The following LRRK1 variants were observed in gnomAD, a reference collection of about 807,000 sequenced individuals.
LRRK1 encodes the protein leucine-rich repeat serine/threonine-protein kinase 1.
LRRK1 carries 113 observed loss-of-function variants against 209.1 expected under a neutral mutation model. The ratio of observed to expected loss-of-function variants is 0.54; its 90% CI spans 0.46 to 0.63. The LOEUF is 0.63. Among genes scored for constraint, LRRK1 ranks in the 30% least tolerant of loss-of-function variants. The pLI is 0.00. For synonymous variants in LRRK1, 1,144 were observed against 1,099.7 expected, an observed-to-expected ratio of 1.04 and a Z score of -0.80; for missense variants, 2,284 against 2,632.2, an observed-to-expected ratio of 0.87 and a Z score of 2.89.
intron 2 of LRRK1, among the ~76,000 whole-genome samples, chr15:100,963,764 C>T (rs879763295): frequency 2.6e-5 from 4 of 152,212 alleles, no homozygotes; most frequent in Non-Finnish European, 5.9e-5. Flanking sequence ...AAATGACCAT[C>T]CGGTTGGCAA....
intron 22 of LRRK1, among the ~76,000 whole-genome samples, chr15:101,048,942 G>A (rs1383719266): frequency 2.6e-5 from 4 of 152,162 alleles, no homozygotes; most frequent in Non-Finnish European, 4.4e-5. Flanking sequence ...GCTCAGGAGA[G>A]CCTCAGGCAC....
At chr15:100,961,908 A>G (rs1477824394) in intron 2 of LRRK1, among the ~76,000 whole-genome samples, 2 of 152,200 alleles carry the variant, frequency 1.3e-5, no homozygotes, top group African/African-American at 4.8e-5. Context: ...AATAAATGGC[A>G]CCAATGACCA....
At chr15:101,004,561 T>C (rs2032853935) in intron 6 of LRRK1, among the ~76,000 whole-genome samples, 1 of 152,112 alleles carries the variant, frequency 6.6e-6, no homozygotes, top group South Asian at 2.1e-4. Context: ...CGGGTTCCGG[T>C]TGGCCATGCT....
At chr15:100,995,096 C>T (rs868332942) in intron 6 of LRRK1, among the ~76,000 whole-genome samples, 3 of 152,158 alleles carry the variant, frequency 2.0e-5, no homozygotes, top group Non-Finnish European at 2.9e-5. Context: ...GCACGTGTGA[C>T]GGAGGTTGTT....
At chr15:100,937,154 C>G (rs1359443291) in intron 2 of LRRK1, among the ~76,000 whole-genome samples, 1 of 152,090 alleles carries the variant, frequency 6.6e-6, no homozygotes, top group African/African-American at 2.4e-5. Flanking sequence ...TCCATTTAAT[C>G]TAGATTTTCG....
At chr15:101,005,963 C>G (rs1477970159) in intron 6 of LRRK1, among the ~76,000 whole-genome samples, 1 of 152,194 alleles carries the variant, frequency 6.6e-6, no homozygotes, top group Non-Finnish European at 1.5e-5. Flanking sequence ...TGATTCAGGC[C>G]AGGATCAGCA....
chr15:101,056,766 T>G, intron 27 of LRRK1, 90 bp from the exon 28 acceptor site: 1 of 975,424 alleles, frequency 1.0e-6, no homozygotes, highest in Non-Finnish European at 1.5e-6. Flanking sequence ...CCTTGTCTAA[T>G]TGTGTCTCCC....
At chr15:101,018,106 T>TTTGCAACACAAATTG (rs942556989) in intron 12 of LRRK1, among the ~76,000 whole-genome samples, 1 of 150,334 alleles carries the variant, frequency 6.7e-6, no homozygotes, top group Non-Finnish European at 1.5e-5. Flanking sequence ...AGAAGAAATA[T>TTTGCAACACAAATTG]TTGCAACACA....
intron 2 of LRRK1, among the ~76,000 whole-genome samples, chr15:100,955,939 C>G (rs754382292): frequency 7.8e-4 from 118 of 152,000 alleles, no homozygotes; most frequent in Admixed American, 1.7e-3. Context: ...GGATATTGGT[C>G]TGTAATTTTC....
In LRRK1 at chr15:101,027,496, C is replaced by A; in HGVS notation, c.2526+115C>A. On this transcript the variant is annotated intron_variant, in intron 18 of 33. Coordinates refer to ENST00000388948, the MANE Select transcript of LRRK1 (RefSeq NM_024652.6). This position sits in a 1 kb window ranked among gnomAD's most constrained non-coding sequence, Gnocchi z 5.1. The stretch of plus-strand genomic sequence containing the variant: ...GTCTGTGTGGCAAGGCTCGGTGGTT[C>A]CTGGTGAGGGAGGGTCAGGATGGAA... 6.6e-7 allele frequency: 1 copy of A among 1,513,586 alleles called. No individual in the cohort carries two copies. The highest frequency in any genetic ancestry group is 8.9e-7 in the Non-Finnish European group (1 of 1,123,244). 93.8% of individuals were successfully genotyped at this position (1,513,586 alleles called of 1,614,324 possible).
In LRRK1 at chr15:101,076,045, T is replaced by G. The variant is rs1287078982; in HGVS notation, c.*7197T>G. The G allele has an allele frequency of 6.6e-6, 1 of 152,148 alleles. No homozygotes were observed. The highest frequency in any genetic ancestry group is 1.5e-5 in the Non-Finnish European group (1 of 68,046). The allele number at this position is 152,148 out of a possible 1,614,324, so 9.4% of individuals were successfully genotyped here. A position where few individuals can be genotyped will look rare whatever the true frequency, so the allele number is the denominator to read the frequency against. On this transcript the variant is annotated 3_prime_UTR_variant, in exon 34 of 34. Coordinates refer to ENST00000388948, the MANE Select transcript of LRRK1 (RefSeq NM_024652.6). ...GATTAATCTCCCAAACCCCAACCCC[T>G]TCTACAAAACAAGAACTCCTTTCCT...
At chr15:101,007,303 C>T (rs2033006699) in intron 6 of LRRK1, among the ~76,000 whole-genome samples, 1 of 152,198 alleles carries the variant, frequency 6.6e-6, no homozygotes. Context: ...TTTTCCAATA[C>T]GGATTTCCAG....
At chr15:101,045,305 C>T (rs2035006622) in intron 20 of LRRK1, among the ~76,000 whole-genome samples, 1 of 152,238 alleles carries the variant, frequency 6.6e-6, no homozygotes, top group African/African-American at 2.4e-5. Flanking sequence ...TGTCCAGTGC[C>T]TGCCCCCGCA....
In LRRK1 at chr15:101,024,247, C is replaced by A. The variant is rs898391801; in HGVS notation, c.2068-556C>A. ...GACTCCTTTCTGTAGAAAACTGCAG[C>A]CTTAGCATCCAGGGCCAGACTCTTA... On this transcript the variant is annotated intron_variant, in intron 15 of 33. Coordinates refer to ENST00000388948, the MANE Select transcript of LRRK1 (RefSeq NM_024652.6). The surrounding 1 kb of genome is among the most constrained non-coding windows in gnomAD (Gnocchi z 4.6). 2.0e-5 allele frequency among the ~76,000 whole-genome samples: 3 copies of A among 152,238 alleles called. No individual in the cohort carries two copies. Among genetic ancestry groups the A allele is most frequent in the Non-Finnish European group, 2.9e-5 (2 of 68,034 alleles).
intron 2 of LRRK1, among the ~76,000 whole-genome samples, chr15:100,952,128 G>C (rs902299736): frequency 6.6e-6 from 1 of 152,170 alleles, no homozygotes; most frequent in African/African-American, 2.4e-5. Flanking sequence ...GAGGCAAACT[G>C]TAGAGATAGA....
chr15:101,041,623 A>G (rs2034759584), intron 20 of LRRK1, among the ~76,000 whole-genome samples: 1 of 152,174 alleles, frequency 6.6e-6, no homozygotes, highest in African/African-American at 2.4e-5. Context: ...ATTAAATGCA[A>G]AAACCTTAGC....
At chr15:100,951,902 G>A (rs2042659165) in intron 2 of LRRK1, among the ~76,000 whole-genome samples, 3 of 151,044 alleles carry the variant, frequency 2.0e-5, no homozygotes, top group Admixed American at 2.0e-4. Context: ...CAAGTGAGCT[G>A]AGATCGCACC....
At chr15:100,960,651 T>C (rs530585269) in intron 2 of LRRK1, among the ~76,000 whole-genome samples, 1 of 152,236 alleles carries the variant, frequency 6.6e-6, no homozygotes, top group Non-Finnish European at 1.5e-5. Flanking sequence ...AAGTAAACTC[T>C]GGAAATACTG....
intron 20 of LRRK1, among the ~76,000 whole-genome samples, chr15:101,035,985 A>AG (rs2034480023): frequency 6.6e-6 from 1 of 152,316 alleles, no homozygotes; most frequent in African/African-American, 2.4e-5. Context: ...GGGGTCTCTT[A>AG]GGTGACTAGA....
Sources: allele counts gnomAD v4.1 joint callset (sites outside exome capture counted in the v4.1 genomes callset), GRCh38; gene constraint gnomAD v4.1.1; non-coding constraint Gnocchi (gnomAD v3.1); transcripts MANE v1.5; gene names NCBI Gene and HGNC (gene_info 2026-07-23, HGNC 2026-07-21).